Variants in SANBR observed in about 807,000 individuals in gnomAD.
The protein encoded by SANBR is SANT and BTB domain regulator of class switch recombination.
SANBR carries 77 observed loss-of-function variants against 101.8 expected under a neutral mutation model. The ratio of observed to expected loss-of-function variants is 0.76; its 90% CI spans 0.63 to 0.91. The LOEUF (loss-of-function observed/expected upper bound fraction) is 0.91. Ranked by LOEUF, SANBR falls within the 40% of genes least tolerant of loss-of-function variation. SANBR has a pLI of 0.00. For missense variants in SANBR, 875 were observed against 853.0 expected (o/e 1.03, Z -0.32); for synonymous variants, 279 against 274.7 (o/e 1.02, Z -0.15).
chr2:61,128,262 ACT>A (rs1420477015), downstream of SANBR, among the ~76,000 whole-genome samples: 3 of 145,728 alleles, frequency 2.1e-5, no homozygotes, highest in South Asian at 4.3e-4. Flanking sequence ...ACACAGCGAG[ACT>A]CTGTCTCAAA....
chr2:61,094,432 C>G (rs1399423137), intron 11 of SANBR, among the ~76,000 whole-genome samples: 1 of 152,074 alleles, frequency 6.6e-6, no homozygotes, highest in Non-Finnish European at 1.5e-5. Flanking sequence ...TAAAATCTAT[C>G]CATGTTGTTT....
intron 19 of SANBR, 39 bp from the exon 20 acceptor site, chr2:61,117,989 C>G (rs1189206221): frequency 1.4e-6 from 2 of 1,464,964 alleles, no homozygotes; most frequent in African/African-American, 1.4e-5. Flanking sequence ...TATATATCAT[C>G]CTTATGAAAA....
In SANBR at chr2:61,115,965, C is replaced by A; in HGVS notation, c.1745-14C>A. The A allele has an allele frequency of 1.3e-6, 2 of 1,562,310 alleles. No individual in the cohort carries two copies. The highest frequency in any genetic ancestry group is 1.1e-5 in the South Asian group (1 of 87,752). ...ATGGGGCCTAAGTTTATAACATTGT[C>A]TTCTCATTATCAGGGAAAAAGGAGA... is the stretch of plus-strand genomic sequence containing the variant. On this transcript the variant is annotated splice_polypyrimidine_tract_variant and intron_variant, in intron 16 of 21. Transcript: ENST00000402291.
rs774462287 is a variant in SANBR at position 61,109,212 on chromosome 2, T to C, written c.1660T>C (p.Phe554Leu). Residue 554 changes from phenylalanine (F) to leucine (L), a missense_variant, in exon 16 of 22, where the codon TTT becomes CTT. Transcript: ENST00000402291. ...WTLQLKQQSL[F>L]SEEEEYTTGS... ...TTTAACTTAGAAACAACAGTCACTG[T>C]TTTCAGAAGAAGAAGAATATACCAC... is the stretch of plus-strand genomic sequence containing the variant. The C allele has an allele frequency of 3.6e-5, 55 of 1,512,086 alleles. 1 individual carries two copies. The highest frequency in any genetic ancestry group is 5.6e-5 in the African/African-American group (4 of 71,938). 93.7% of individuals were successfully genotyped at this position (1,512,086 alleles called of 1,614,324 possible).
chr2:61,111,496 T>C (rs1014580549), intron 16 of SANBR, among the ~76,000 whole-genome samples: 5 of 152,274 alleles, frequency 3.3e-5, no homozygotes, highest in Admixed American at 3.3e-4. Context: ...AAGCTGGTTC[T>C]TTAGCAATTT....
At chr2:61,124,916 C>G (rs1367303305), downstream of SANBR, among the ~76,000 whole-genome samples, 1 of 152,062 alleles carries the variant, frequency 6.6e-6, no homozygotes, top group African/African-American at 2.4e-5. Flanking sequence ...CTCTGTCAAG[C>G]TTGTCTACTA....
intron 11 of SANBR, among the ~76,000 whole-genome samples, chr2:61,095,701 C>T (rs945585591): frequency 3.9e-5 from 6 of 152,110 alleles, no homozygotes; most frequent in Non-Finnish European, 8.8e-5. Flanking sequence ...TAAAGTCTCC[C>T]CCAGTGAGGA....
intron 16 of SANBR, among the ~76,000 whole-genome samples, chr2:61,113,434 A>G (rs941976183): frequency 1.3e-5 from 2 of 151,910 alleles, no homozygotes; most frequent in African/African-American, 4.8e-5. Context: ...TTTTTTTTCC[A>G]ATGGCAGTTC....
intron 11 of SANBR, among the ~76,000 whole-genome samples, chr2:61,094,279 A>G (rs1035794378): frequency 6.6e-6 from 1 of 152,210 alleles, no homozygotes; most frequent in Non-Finnish European, 1.5e-5. Flanking sequence ...TCTTTAGTCA[A>G]TTAATTCCCC....
intron 2 of SANBR, among the ~76,000 whole-genome samples, 199 bp downstream of exon 2, chr2:61,069,184 C>T (rs776175231): frequency 2.6e-4 from 39 of 152,330 alleles, no homozygotes; most frequent in Non-Finnish European, 4.6e-4. Flanking sequence ...ACCACATTCA[C>T]GACCCCTGTG....
At chr2:61,099,690 G>T (rs894854000) in intron 12 of SANBR, among the ~76,000 whole-genome samples, 1 of 152,208 alleles carries the variant, frequency 6.6e-6, no homozygotes, top group African/African-American at 2.4e-5. Context: ...GCAGGTATAG[G>T]TGAGTGTATG....
At chr2:61,095,887 C>G (rs547529281) in intron 11 of SANBR, among the ~76,000 whole-genome samples, 48 of 152,278 alleles carry the variant, frequency 3.2e-4, no homozygotes, top group African/African-American at 1.1e-3. Context: ...CTGGTCCTTT[C>G]CCCAACAGCT....
At chr2:61,068,667 G>A (rs552982922) in intron 1 of SANBR, among the ~76,000 whole-genome samples, 182 bp from the exon 2 acceptor site, 1 of 152,260 alleles carries the variant, frequency 6.6e-6, no homozygotes, top group Non-Finnish European at 1.5e-5. Context: ...TACTTCATTG[G>A]AATGTTACTG....
In SANBR at chr2:61,097,785, T is replaced by C; in HGVS notation, c.1298T>C (p.Val433Ala). The C allele has an allele frequency of 6.2e-7, 1 of 1,613,462 alleles. No homozygotes were observed. The highest frequency in any genetic ancestry group is 8.5e-7 in the Non-Finnish European group (1 of 1,179,556). ...ACTGCAGCAAGTTCATTGAATACTG[T>C]TGGCACTGGAATTTATCCCTGCTGT... ...YPTAASSLNT[V>A]GTGIYPCCNQ... The change falls in exon 12 of 22, where the codon GTT (valine) becomes GCT (alanine). Residue 433 changes from valine (V) to alanine (A), a missense_variant. Val to Ala is a moderately conservative substitution (Grantham distance 64). Transcript: ENST00000402291.
intron 1 of SANBR, among the ~76,000 whole-genome samples, chr2:61,066,847 CGGGGA>C (rs929281107): frequency 3.3e-5 from 5 of 151,556 alleles, no homozygotes; most frequent in African/African-American, 9.7e-5. Context: ...AGAAGGGGGT[CGGGGA>C]GGGGAGGGGA....
At chr2:61,087,280 G>A (rs1374262704) in intron 8 of SANBR, among the ~76,000 whole-genome samples, 1 of 152,192 alleles carries the variant, frequency 6.6e-6, no homozygotes, top group African/African-American at 2.4e-5. Flanking sequence ...AAGAGGCCAG[G>A]CAAGGTGGCT....
Position 61,076,931 on chromosome 2 carries a change from T to TG in SANBR, c.444dup (p.Ile149AspfsTer5). 6.2e-7 allele frequency: 1 copy of TG among 1,608,172 alleles called. No homozygotes were observed. Among genetic ancestry groups the TG allele is most frequent in the Non-Finnish European group, 8.5e-7 (1 of 1,175,052 alleles). On this transcript the variant is annotated frameshift_variant, in exon 6 of 22. Coordinates refer to ENST00000402291, the MANE Select transcript of SANBR (RefSeq NM_001129993.3). LOFTEE classifies it high-confidence loss of function. ...ACATTTTTATGAAGGCCAAACATGG[T>TG]GATCCATGTGTGTGATGAAGCAAAA...
At chr2:61,131,520 G>T (rs1396477313) in intron 20 of SANBR, among the ~76,000 whole-genome samples, 1 of 152,072 alleles carries the variant, frequency 6.6e-6, no homozygotes, top group African/African-American at 2.4e-5. Context: ...ATAAAATATT[G>T]TTGAAAGAAA....
At chr2:61,094,583 C>T (rs941727176) in intron 11 of SANBR, among the ~76,000 whole-genome samples, 4 of 150,834 alleles carry the variant, frequency 2.7e-5, no homozygotes, top group African/African-American at 9.8e-5. Context: ...ATAAACAATA[C>T]AGGTTTTCCT....
Sources: gnomAD v4.1 joint callset for allele counts (sites outside exome capture counted in the v4.1 genomes callset) on GRCh38, gnomAD v4.1.1 for gene constraint, MANE v1.5 for transcripts, NCBI Gene and HGNC (gene_info 2026-07-23, HGNC 2026-07-21) for gene names.